GABRP: variants seen among roughly 807,000 people sequenced by gnomAD.
The protein encoded by GABRP is gamma-aminobutyric acid type A receptor subunit pi.
In GABRP, 52 loss-of-function variants were observed where a neutral mutation model predicts 47.8. The observed-to-expected ratio is 1.09, with a 90% CI of 0.87 to 1.37. GABRP has a LOEUF of 1.37. Among genes scored for constraint, GABRP ranks in the 40% most tolerant of loss-of-function variants. GABRP has a pLI of 0.00. For synonymous variants in GABRP, 221 were observed against 205.8 expected, an observed-to-expected ratio of 1.07 and a Z score of -0.63; for missense variants, 525 against 542.8, an observed-to-expected ratio of 0.97 and a Z score of 0.33.
intron 3 of GABRP, among the ~76,000 whole-genome samples, chr5:170,791,412 C>A (rs994948969): frequency 3.9e-5 from 6 of 152,246 alleles, no homozygotes; most frequent in African/African-American, 1.4e-4. Flanking sequence ...TTCAGGACCC[C>A]AAGTCCAAAA....
intron 6 of GABRP, among the ~76,000 whole-genome samples, chr5:170,804,995 TATATTATA>T (rs1413617767): frequency 3.8e-5 from 4 of 105,924 alleles, no homozygotes; most frequent in African/African-American, 9.8e-5. Context: ...TATTATATTA[TATATTATA>T]TATATTATAT....
intron 9 of GABRP, among the ~76,000 whole-genome samples, chr5:170,810,752 C>T (rs897782152): frequency 6.6e-6 from 1 of 152,110 alleles, no homozygotes; most frequent in Non-Finnish European, 1.5e-5. Flanking sequence ...TCAAAATGAC[C>T]CAAAGATCCA....
At chr5:170,801,365 A>G (rs987158406) in intron 6 of GABRP, among the ~76,000 whole-genome samples, 4 of 152,068 alleles carry the variant, frequency 2.6e-5, no homozygotes, top group Non-Finnish European at 4.4e-5. Flanking sequence ...CTCCTTCCCA[A>G]TTTCTCCAGT....
At chr5:170,807,295 G>T (rs568921321) in intron 7 of GABRP, among the ~76,000 whole-genome samples, 1 of 152,226 alleles carries the variant, frequency 6.6e-6, no homozygotes, top group African/African-American at 2.4e-5. Flanking sequence ...TTTATAATGG[G>T]CAAATAAATA....
At chr5:170,809,493 T>C in intron 8 of GABRP, 75 bp from the exon 9 acceptor site, 1 of 1,458,694 alleles carries the variant, frequency 6.9e-7, no homozygotes, top group Non-Finnish European at 9.6e-7. Context: ...AATTCTCAAA[T>C]GGGGACACTC....
intron 6 of GABRP, among the ~76,000 whole-genome samples, chr5:170,800,629 G>A (rs1433035230): frequency 6.6e-6 from 1 of 152,056 alleles, no homozygotes; most frequent in African/African-American, 2.4e-5. Flanking sequence ...CAACTTTTTT[G>A]TTAACAATAA....
intron 1 of GABRP, 170 bp from the exon 2 acceptor site, chr5:170,788,404 C>A: frequency 2.0e-6 from 1 of 488,774 alleles, no homozygotes. Context: ...TGAAGTCATT[C>A]CTGGAGGGAA....
rs1765183528 is a variant in GABRP at position 170,788,571 on chromosome 5, C to T, written c.-42-3C>T. The stretch of plus-strand genomic sequence containing the variant: ...TCCACTTACCTTGCCCCCTGTTTCC[C>T]AGGTGATTCCTACTTCAGCCCCTTG... On this transcript the variant is annotated splice_polypyrimidine_tract_variant and splice_region_variant and intron_variant, in intron 1 of 9. Transcript: ENST00000265294. The T allele has an allele frequency of 6.2e-7, 1 of 1,606,798 alleles. No individual in the cohort carries two copies. The highest frequency in any genetic ancestry group is 1.3e-5 in the African/African-American group (1 of 74,496).
At chr5:170,808,203 G>A (rs542601431) in intron 7 of GABRP, among the ~76,000 whole-genome samples, 50 of 152,258 alleles carry the variant, frequency 3.3e-4, no homozygotes, top group African/African-American at 1.2e-3. Context: ...CTATTCCATA[G>A]TATTCCTTGA....
In GABRP at chr5:170,803,162, T is replaced by C. The variant is rs184157637; in HGVS notation, c.542-2554T>C. 5.2e-3 allele frequency among the ~76,000 whole-genome samples: 786 copies of C among 152,280 alleles called. 2 individuals are homozygous for C. Among genetic ancestry groups the C allele is most frequent in the Non-Finnish European group, 7.8e-3 (528 of 68,022 alleles). On this transcript the variant is annotated intron_variant, in intron 6 of 9. Transcript: ENST00000265294. The stretch of plus-strand genomic sequence containing the variant: ...TCCAAGGGAAAGTCCACAGACAGTT[T>C]TTACCTGGAAATCCCCTAAGAGTTC...
At chr5:170,789,331 G>C in intron 3 of GABRP, 84 bp downstream of exon 3, 1 of 780,690 alleles carries the variant, frequency 1.3e-6, no homozygotes. Context: ...GGAGGTTTTA[G>C]TTGACTCCAT....
chr5:170,804,402 G>A (rs1239092288), intron 6 of GABRP, among the ~76,000 whole-genome samples: 1 of 151,976 alleles, frequency 6.6e-6, no homozygotes, highest in Non-Finnish European at 1.5e-5. Flanking sequence ...TGGGTCAAAT[G>A]GTAAATATAT....
intron 6 of GABRP, among the ~76,000 whole-genome samples, chr5:170,803,667 C>T (rs1765651553): frequency 2.0e-5 from 3 of 152,098 alleles, no homozygotes; most frequent in South Asian, 2.1e-4. Flanking sequence ...AGCTCCCAGG[C>T]GATGACTAAC....
At chr5:170,803,425 C>G (rs1214681909) in intron 6 of GABRP, among the ~76,000 whole-genome samples, 1 of 152,130 alleles carries the variant, frequency 6.6e-6, no homozygotes, top group East Asian at 1.9e-4. Flanking sequence ...ACCTCAGTTT[C>G]CTATCAGTGA....
intron 3 of GABRP, among the ~76,000 whole-genome samples, chr5:170,792,395 T>G (rs2127253388): frequency 6.6e-6 from 1 of 151,532 alleles, no homozygotes; most frequent in African/African-American, 2.4e-5. Context: ...TGAGCCATAT[T>G]GCACCACTGC....
At chr5:170,810,054 T>C (rs779957345) in intron 9 of GABRP, 5 of 667,558 alleles carry the variant, frequency 7.5e-6, no homozygotes, top group South Asian at 1.7e-5. Context: ...GAATCCAATA[T>C]GAAAAAAACA....
intron 1 of GABRP, among the ~76,000 whole-genome samples, chr5:170,785,011 T>A (rs1765091888): frequency 6.6e-6 from 1 of 152,216 alleles, no homozygotes; most frequent in Admixed American, 6.5e-5. Context: ...TGCTCTCTGG[T>A]GGCTCAGTAC....
intron 6 of GABRP, among the ~76,000 whole-genome samples, chr5:170,799,704 G>A (rs1343370386): frequency 7.2e-5 from 11 of 152,070 alleles, no homozygotes; most frequent in Non-Finnish European, 7.4e-5. Context: ...TGAGTACATT[G>A]CAAAAATTTT....
At chr5:170,796,497 A>T (rs1765432844) in intron 5 of GABRP, among the ~76,000 whole-genome samples, 1 of 152,236 alleles carries the variant, frequency 6.6e-6, no homozygotes, top group Admixed American at 6.5e-5. Flanking sequence ...CTGGCTCTAG[A>T]ATCATAAAGA....
Sources: allele counts gnomAD v4.1 joint callset (sites outside exome capture counted in the v4.1 genomes callset), GRCh38; gene constraint gnomAD v4.1.1; transcripts MANE v1.5; gene names NCBI Gene and HGNC (gene_info 2026-07-23, HGNC 2026-07-21).